The following IFT81 variants were observed in gnomAD, a reference collection of about 807,000 sequenced individuals.
IFT81 encodes the protein intraflagellar transport protein 81 homolog.
IFT81 carries 72 observed loss-of-function variants against 102.6 expected under a neutral mutation model. The ratio of observed to expected loss-of-function variants is 0.70; its 90% CI spans 0.58 to 0.85. The LOEUF (loss-of-function observed/expected upper bound fraction) is 0.85, where lower values mean the gene tolerates loss of function less well. Ranked by LOEUF, IFT81 falls within the 40% of genes least tolerant of loss-of-function variation. The probability of loss-of-function intolerance (pLI) is 0.00; values close to 1 mark genes in which losing one functional copy is unlikely to be tolerated. For missense variants in IFT81, 723 were observed against 787.3 expected (o/e 0.92, Z 0.98); for synonymous variants, 237 against 242.7 (o/e 0.98, Z 0.22).
intron 18 of IFT81, among the ~76,000 whole-genome samples, chr12:110,212,244 A>T (rs1194185059): frequency 1.7e-4 from 8 of 45,822 alleles, no homozygotes; most frequent in Non-Finnish European, 2.8e-4. Context: ...CCTTACTTTA[A>T]AAAAAAAAAA....
At position 110,146,864 on chromosome 12, in the gene IFT81, A is replaced by G. The variant is rs566611214; in HGVS notation, c.946-89A>G. 7.1e-5 allele frequency: 98 copies of G among 1,371,876 alleles called. No individual in the cohort carries two copies. The African/African-American group carries it at 1.3e-3, about 18-fold the overall frequency. The allele number at this position is 1,371,876 out of a possible 1,614,324, so 85.0% of individuals were successfully genotyped here. ...TGTCTTTAAAAAAAAAGAACCATAA[A>G]TTCAAAGCTGGTTTGGCCAGACGTC... is the stretch of plus-strand genomic sequence containing the variant. On this transcript the variant is annotated intron_variant, in intron 9 of 18. Transcript: ENST00000242591.
intron 17 of IFT81, among the ~76,000 whole-genome samples, chr12:110,208,609 CTTA>C (rs919998936): frequency 6.6e-6 from 1 of 152,138 alleles, no homozygotes; most frequent in African/African-American, 2.4e-5. Context: ...TGTATAACTC[CTTA>C]TTATTTGTTT....
intron 18 of IFT81, among the ~76,000 whole-genome samples, chr12:110,217,167 C>A (rs1343777624): frequency 6.6e-6 from 1 of 151,678 alleles, no homozygotes; most frequent in Non-Finnish European, 1.5e-5. Context: ...GTCTCAGCCT[C>A]CTGAGTAGCA....
intron 14 of IFT81, among the ~76,000 whole-genome samples, chr12:110,199,314 T>C (rs1428861690): frequency 2.0e-5 from 3 of 152,280 alleles, no homozygotes; most frequent in African/African-American, 7.2e-5. Context: ...TTAACAGAGC[T>C]TTGTCTCTTG....
chr12:110,203,577 T>A, intron 14 of IFT81: 1 of 318,928 alleles, frequency 3.1e-6, no homozygotes, highest in South Asian at 3.5e-5. Context: ...TGTTTACTTG[T>A]CTGAACATTA....
chr12:110,211,124 G>A (rs1869367475), intron 18 of IFT81, among the ~76,000 whole-genome samples: 1 of 149,842 alleles, frequency 6.7e-6, no homozygotes, highest in South Asian at 2.1e-4. Context: ...GCCTCCCAAA[G>A]TGTGGGATTA....
chr12:110,133,293 A>G (rs889618623), intron 5 of IFT81, among the ~76,000 whole-genome samples: 3 of 151,912 alleles, frequency 2.0e-5, no homozygotes, highest in African/African-American at 7.3e-5. Context: ...TTGTTTAATC[A>G]TATTTTCTAA....
intron 10 of IFT81, 128 bp from the exon 11 acceptor site, chr12:110,162,791 T>C (rs1896209347): frequency 1.4e-6 from 1 of 698,972 alleles, no homozygotes; most frequent in Non-Finnish European, 2.3e-6. Flanking sequence ...GCAAGGAGTA[T>C]TGGTTAAGAG....
chr12:110,192,491 T>C, intron 13 of IFT81, 126 bp from the exon 14 acceptor site: 2 of 548,490 alleles, frequency 3.6e-6, no homozygotes, highest in Non-Finnish European at 6.6e-6. Flanking sequence ...CTCTGTTGTT[T>C]GGGACTGAAG....
At chr12:110,141,401 A>G (rs1409420012) in intron 8 of IFT81, among the ~76,000 whole-genome samples, 6 of 152,234 alleles carry the variant, frequency 3.9e-5, no homozygotes, top group South Asian at 2.1e-4. Flanking sequence ...AAAAGAAGGA[A>G]TAGTGAAGTA....
chr12:110,185,772 A>AT (rs1355515887), intron 12 of IFT81, among the ~76,000 whole-genome samples: 5 of 149,708 alleles, frequency 3.3e-5, no homozygotes, highest in African/African-American at 7.4e-5. Flanking sequence ...TTTTATGTGT[A>AT]TTTTTTTTTC....
At chr12:110,195,070 G>T (rs889027772) in intron 14 of IFT81, among the ~76,000 whole-genome samples, 7 of 152,024 alleles carry the variant, frequency 4.6e-5, no homozygotes, top group Non-Finnish European at 2.9e-5. Flanking sequence ...CATCTGAAAG[G>T]TTTATTTTAA....
intron 14 of IFT81, among the ~76,000 whole-genome samples, chr12:110,193,718 C>A (rs1897890917): frequency 6.6e-6 from 1 of 152,042 alleles, no homozygotes; most frequent in African/African-American, 2.4e-5. Context: ...AATGGACAAC[C>A]CTGAACTATT....
At chr12:110,135,831 C>T (rs1894466975) in intron 7 of IFT81, among the ~76,000 whole-genome samples, 1 of 146,300 alleles carries the variant, frequency 6.8e-6, no homozygotes, top group Non-Finnish European at 1.5e-5. Flanking sequence ...CACGCCACCA[C>T]ACTCCAGCTT....
intron 11 of IFT81, among the ~76,000 whole-genome samples, chr12:110,176,179 T>G (rs1897027113): frequency 6.6e-6 from 1 of 152,024 alleles, no homozygotes. Context: ...GTACCTCCAT[T>G]AACTCCCCCT....
intron 14 of IFT81, chr12:110,203,383 TA>T (rs1898400997): frequency 6.3e-6 from 1 of 158,136 alleles, no homozygotes; most frequent in African/African-American, 2.4e-5. Flanking sequence ...TCCTTTTTTT[TA>T]AATACTGTCT....
At chr12:110,183,531 A>G (rs1053162752) in intron 12 of IFT81, among the ~76,000 whole-genome samples, 8 of 152,170 alleles carry the variant, frequency 5.3e-5, no homozygotes, top group African/African-American at 1.9e-4. Context: ...TTGTGAGTCC[A>G]TTGTTTAAGC....
At chr12:110,130,582 C>T (rs545602726) in intron 4 of IFT81, among the ~76,000 whole-genome samples, 11 of 152,114 alleles carry the variant, frequency 7.2e-5, no homozygotes, top group African/African-American at 2.4e-4. Flanking sequence ...GTTGGCCAGG[C>T]TGGTCTCGAA....
At chr12:110,169,896 C>G (rs116910363) in intron 11 of IFT81, among the ~76,000 whole-genome samples, 4,201 of 152,080 alleles carry the variant, frequency 0.028, 86 homozygotes, top group Middle Eastern at 0.082. Flanking sequence ...AATGTGTGCA[C>G]TAAGTAGAAG....
Sources: gnomAD v4.1 joint callset for allele counts (sites outside exome capture counted in the v4.1 genomes callset) on GRCh38, gnomAD v4.1.1 for gene constraint, MANE v1.5 for transcripts, NCBI Gene and HGNC (gene_info 2026-07-23, HGNC 2026-07-21) for gene names.